The following SLC2A1 variants were observed in gnomAD, a reference collection of about 807,000 sequenced individuals.
SLC2A1 encodes solute carrier family 2, facilitated glucose transporter member 1.
SLC2A1 carries 4 observed loss-of-function variants against 46.6 expected under a neutral mutation model. That is an observed-to-expected ratio of 0.09 (90% CI 0.04 to 0.20). The LOEUF is 0.20. SLC2A1 is among the 10% of genes least tolerant of loss of function. SLC2A1 has a pLI of 1.00. For synonymous variants in SLC2A1, 253 were observed against 270.0 expected, an observed-to-expected ratio of 0.94 and a Z score of 0.62; for missense variants, 352 against 667.0, an observed-to-expected ratio of 0.53 and a Z score of 5.20.
chr1:42,943,040 C>T, intron 2 of SLC2A1, 186 bp downstream of exon 2: 2 of 641,290 alleles, frequency 3.1e-6, no homozygotes, highest in Non-Finnish European at 5.7e-6. Flanking sequence ...AATTCTGCCA[C>T]CCTGATTCCA....
At chr1:42,955,884 T>C (rs1643766979) in intron 1 of SLC2A1, among the ~76,000 whole-genome samples, 1 of 152,190 alleles carries the variant, frequency 6.6e-6, no homozygotes. Flanking sequence ...AGCTCATTAC[T>C]GTGAGTTACA....
At chr1:42,953,914 T>G (rs1643748573) in intron 1 of SLC2A1, among the ~76,000 whole-genome samples, 1 of 152,206 alleles carries the variant, frequency 6.6e-6, no homozygotes, top group African/African-American at 2.4e-5. Flanking sequence ...GTCTTTCCAC[T>G]TAAAATAGCC....
rs1278833981 is a variant in SLC2A1 at position 42,945,430 on chromosome 1, T to TA, written c.19-2110dup. Among the ~76,000 whole-genome samples, 92 of 145,748 alleles carry TA rather than the reference T, an allele frequency of 6.3e-4. 2 individuals are homozygous for TA. Among genetic ancestry groups the TA allele is most frequent in the Middle Eastern group, 3.6e-3 (1 of 276 alleles). On this transcript the variant is annotated intron_variant, in intron 1 of 9. Coordinates refer to ENST00000426263, the MANE Select transcript of SLC2A1 (RefSeq NM_006516.4). ...GTATATTGTATGCTACCTTTTGGGT[T>TA]AAAAAAAAAAATTGGCTGGGGGTAG...
Position 42,927,252 on chromosome 1 carries a change from CACAG to C in SLC2A1, c.1279-15_1279-12del. ...GGGACCACACAGTTGCTGAAAGACA[CACAG>C]ACACACTTGGTTGGAGTCATGACCC... is the stretch of plus-strand genomic sequence containing the variant. On this transcript the variant is annotated splice_polypyrimidine_tract_variant and intron_variant, in intron 9 of 9. Coordinates refer to ENST00000426263, the MANE Select transcript of SLC2A1 (RefSeq NM_006516.4). The surrounding 1 kb of genome is among the most constrained non-coding windows in gnomAD (Gnocchi z 5.3). The C allele has an allele frequency of 6.2e-7, 1 of 1,613,274 alleles. No individual in the cohort carries two copies.
chr1:42,938,139 G>A (rs1012843579), intron 2 of SLC2A1, among the ~76,000 whole-genome samples: 3 of 152,192 alleles, frequency 2.0e-5, no homozygotes, highest in Non-Finnish European at 2.9e-5. Flanking sequence ...CATTTGGGGA[G>A]GGGAAAGGCA....
In SLC2A1 at chr1:42,930,123, G is replaced by T; in HGVS notation, c.517-88C>A. 1.4e-6 allele frequency: 2 copies of T among 1,469,050 alleles called. No individual in the cohort carries two copies. Among genetic ancestry groups the T allele is most frequent in the Non-Finnish European group, 1.9e-6 (2 of 1,063,094 alleles). The allele number at this position is 1,469,050 out of a possible 1,614,324, so 91.0% of individuals were successfully genotyped here. ...GAGTGGCCTTCCCTACTTTGTGTCA[G>T]CTGCTGCTTCAGGGAAGGGCCCCAG... On this transcript the variant is annotated intron_variant, in intron 4 of 9. Coordinates refer to ENST00000426263, the MANE Select transcript of SLC2A1 (RefSeq NM_006516.4). The surrounding 1 kb of genome is among the most constrained non-coding windows in gnomAD (Gnocchi z 6.2).
intron 1 of SLC2A1, among the ~76,000 whole-genome samples, chr1:42,948,431 G>A (rs527554634): frequency 6.6e-6 from 1 of 152,298 alleles, no homozygotes; most frequent in South Asian, 2.1e-4. Context: ...GCAGACTCCA[G>A]ATGTTGCTCC....
intron 1 of SLC2A1, among the ~76,000 whole-genome samples, chr1:42,958,192 C>T (rs1487010511): frequency 1.3e-5 from 2 of 151,824 alleles, no homozygotes; most frequent in Admixed American, 6.6e-5. Flanking sequence ...CGCGCCGGGG[C>T]CGGGGCCGGG....
chr1:42,943,397 G>A, intron 1 of SLC2A1, 76 bp from the exon 2 acceptor site: 1 of 1,073,856 alleles, frequency 9.3e-7, no homozygotes, highest in Non-Finnish European at 1.4e-6. Flanking sequence ...GGACTGGCAA[G>A]TTTCTGTGTT....
At position 42,954,814 on chromosome 1, in the gene SLC2A1, G is replaced by C. The variant is rs1233450156; in HGVS notation, c.18+3820C>G. Among the ~76,000 whole-genome samples, 2 of 152,190 alleles carry C rather than the reference G, an allele frequency of 1.3e-5. No individual in the cohort carries two copies. The highest frequency in any genetic ancestry group is 4.8e-5 in the African/African-American group (2 of 41,438). On this transcript the variant is annotated intron_variant, in intron 1 of 9. Transcript: ENST00000426263. This position sits in a 1 kb window ranked among gnomAD's most constrained non-coding sequence, Gnocchi z 4.2. ...AACTTGTATCACAGGGCAGTTGTGA[G>C]GACCCTTGGAGTTAATGGACATGAA...
chr1:42,938,786 A>G (rs1330922402), intron 2 of SLC2A1, among the ~76,000 whole-genome samples: 4 of 151,888 alleles, frequency 2.6e-5, no homozygotes, highest in African/African-American at 9.7e-5. Flanking sequence ...AGGTCAACTA[A>G]CCCTTCAAGG....
chr1:42,950,070 T>C (rs1643703942), intron 1 of SLC2A1, among the ~76,000 whole-genome samples: 1 of 152,214 alleles, frequency 6.6e-6, no homozygotes, highest in Non-Finnish European at 1.5e-5. Context: ...TAAGCCAAAG[T>C]TGGCAAACTA....
Position 42,930,269 on chromosome 1 carries a change from T to C in SLC2A1, c.517-234A>G. 3 of 632,178 alleles carry C rather than the reference T, an allele frequency of 4.7e-6. No homozygotes were observed. The highest frequency in any genetic ancestry group is 8.4e-6 in the Non-Finnish European group (3 of 355,280). 39.2% of individuals were successfully genotyped at this position (632,178 alleles called of 1,614,324 possible). ...GACAAATGACAAGGCCACAGATGTGTCCAGCACAGAGAATGGGGGCTGCTA... is the reference window on the plus strand; with the variant it reads ...GACAAATGACAAGGCCACAGATGTGCCCAGCACAGAGAATGGGGGCTGCTA... On this transcript the variant is annotated intron_variant, in intron 4 of 9. Transcript: ENST00000426263. The surrounding 1 kb of genome is among the most constrained non-coding windows in gnomAD (Gnocchi z 6.2).
chr1:42,951,567 T>C, intron 1 of SLC2A1: 1 of 333,492 alleles, frequency 3.0e-6, no homozygotes, highest in Non-Finnish European at 5.4e-6. Flanking sequence ...TATCTACACA[T>C]GCACAAAGAG....
chr1:42,943,348 T>A (rs746611974), intron 1 of SLC2A1, 27 bp from the exon 2 acceptor site: 5 of 1,558,394 alleles, frequency 3.2e-6, no homozygotes, highest in Non-Finnish European at 4.4e-6. Flanking sequence ...CACACTGTTA[T>A]AGGCGTGTCT....
chr1:42,933,081 T>A (rs1025466560), intron 2 of SLC2A1, among the ~76,000 whole-genome samples: 1 of 152,192 alleles, frequency 6.6e-6, no homozygotes, highest in Non-Finnish European at 1.5e-5. Context: ...ATGGCCCCAT[T>A]TCTAAAGTGC....
intron 2 of SLC2A1, among the ~76,000 whole-genome samples, chr1:42,936,075 A>G (rs1455251069): frequency 1.3e-5 from 2 of 152,078 alleles, no homozygotes; most frequent in Non-Finnish European, 2.9e-5. Context: ...CAGGAGGGGT[A>G]TGCGTTTTGG....
At chr1:42,947,505 T>C (rs1643668785) in intron 1 of SLC2A1, among the ~76,000 whole-genome samples, 1 of 145,552 alleles carries the variant, frequency 6.9e-6, no homozygotes. Context: ...GCGGATCATT[T>C]GAGCTCAGGA....
chr1:42,931,314 G>T, intron 2 of SLC2A1, 108 bp from the exon 3 acceptor site: 1 of 1,110,412 alleles, frequency 9.0e-7, no homozygotes, highest in Non-Finnish European at 1.3e-6. Flanking sequence ...GCCTGGCTCT[G>T]CCACAGATTC....
Sources: allele counts gnomAD v4.1 joint callset (sites outside exome capture counted in the v4.1 genomes callset), GRCh38; gene constraint gnomAD v4.1.1; non-coding constraint Gnocchi (gnomAD v3.1); transcripts MANE v1.5; gene names NCBI Gene and HGNC (gene_info 2026-07-23, HGNC 2026-07-21).